Variants in ARHGAP10 observed in about 807,000 individuals in gnomAD.
ARHGAP10 encodes Rho GTPase activating protein 10.
ARHGAP10 carries 87 observed loss-of-function variants against 108.6 expected under a neutral mutation model. The observed-to-expected ratio is 0.80, with a 90% CI of 0.67 to 0.96. ARHGAP10 has a LOEUF of 0.96. Ranked by LOEUF, ARHGAP10 falls within the 40% of genes least tolerant of loss-of-function variation. The pLI, the probability that ARHGAP10 is intolerant of heterozygous loss-of-function variation, is 0.00. For missense variants in ARHGAP10, 939 were observed against 954.5 expected (o/e 0.98, Z 0.21); for synonymous variants, 347 against 341.1 (o/e 1.02, Z -0.19).
chr4:147,737,066 G>T (rs1728446242), intron 1 of ARHGAP10, among the ~76,000 whole-genome samples: 2 of 152,180 alleles, frequency 1.3e-5, no homozygotes, highest in Admixed American at 6.6e-5. Context: ...TGCTTTGAAT[G>T]TCTTGTTAAA....
At chr4:147,986,174 T>G (rs1740039256) in intron 18 of ARHGAP10, among the ~76,000 whole-genome samples, 1 of 152,178 alleles carries the variant, frequency 6.6e-6, no homozygotes, top group Non-Finnish European at 1.5e-5. Context: ...ATTATCAGTT[T>G]CCTCATCTAT....
chr4:147,769,121 A>T (rs1307364657), intron 1 of ARHGAP10, among the ~76,000 whole-genome samples: 2 of 152,180 alleles, frequency 1.3e-5, no homozygotes, highest in African/African-American at 2.4e-5. Context: ...GCTCTCAGGA[A>T]CTGGATAATG....
At chr4:148,069,827 T>G (rs1001486245) in intron 22 of ARHGAP10, among the ~76,000 whole-genome samples, 2 of 152,126 alleles carry the variant, frequency 1.3e-5, no homozygotes, top group Non-Finnish European at 2.9e-5. Context: ...GGCCCCCACA[T>G]TGTTACAACC....
At chr4:147,949,529 A>G (rs942084860) in intron 15 of ARHGAP10, among the ~76,000 whole-genome samples, 152 of 152,316 alleles carry the variant, frequency 1.0e-3, no homozygotes, top group African/African-American at 3.5e-3. Context: ...GGCATCTGAC[A>G]TCCTGCAGTA....
intron 13 of ARHGAP10, among the ~76,000 whole-genome samples, chr4:147,918,373 G>A (rs1737081148): frequency 6.6e-6 from 1 of 152,084 alleles, no homozygotes; most frequent in Non-Finnish European, 1.5e-5. Flanking sequence ...CTGACCTCGT[G>A]ATCCACCTGC....
chr4:147,780,984 C>T (rs893661584), intron 1 of ARHGAP10, among the ~76,000 whole-genome samples: 6 of 152,114 alleles, frequency 3.9e-5, no homozygotes, highest in Admixed American at 1.3e-4. Context: ...TGAGAGAAGA[C>T]GCAAGGGCTC....
intron 1 of ARHGAP10, among the ~76,000 whole-genome samples, chr4:147,748,902 T>C (rs1729037647): frequency 6.6e-6 from 1 of 151,886 alleles, no homozygotes; most frequent in Non-Finnish European, 1.5e-5. Flanking sequence ...GATGCTGCAG[T>C]GAGCTGTGAT....
intron 20 of ARHGAP10, among the ~76,000 whole-genome samples, chr4:148,048,926 G>A (rs868189596): frequency 6.6e-6 from 1 of 151,772 alleles, no homozygotes; most frequent in African/African-American, 2.4e-5. Context: ...AAGGGGGTTG[G>A]GGGGAGTAGT....
intron 18 of ARHGAP10, among the ~76,000 whole-genome samples, chr4:148,006,343 G>A (rs1367954277): frequency 6.6e-6 from 1 of 152,222 alleles, no homozygotes; most frequent in Non-Finnish European, 1.5e-5. Context: ...ATGACGTGGG[G>A]AAAACGGAGG....
At chr4:147,847,717 G>A (rs1280072844) in intron 4 of ARHGAP10, among the ~76,000 whole-genome samples, 1 of 152,154 alleles carries the variant, frequency 6.6e-6, no homozygotes, top group Non-Finnish European at 1.5e-5. Flanking sequence ...TTATGGTATT[G>A]TGCATTATAT....
At position 147,867,567 on chromosome 4, in the gene ARHGAP10, A is replaced by G. The variant is rs144720198; in HGVS notation, c.702+751A>G. Among the ~76,000 whole-genome samples, 19 of 152,216 alleles carry G rather than the reference A, an allele frequency of 1.2e-4. No homozygotes were observed. In the East Asian group the frequency reaches 3.7e-3, roughly 29 times the overall value. On this transcript the variant is annotated intron_variant, in intron 7 of 22. Transcript: ENST00000336498. ...TTGCCTGCTCTTCATTTCTTTCACA[A>G]TTAGAAGTTGAGAGTGGGCCGGGCA...
chr4:148,066,717 T>C (rs1280260248), intron 22 of ARHGAP10, among the ~76,000 whole-genome samples: 3 of 152,222 alleles, frequency 2.0e-5, no homozygotes, highest in African/African-American at 4.8e-5. Flanking sequence ...GGCTTTCTTA[T>C]CTTCTGTGTG....
intron 19 of ARHGAP10, among the ~76,000 whole-genome samples, chr4:148,042,225 C>G (rs1317330366): frequency 1.3e-5 from 2 of 152,178 alleles, no homozygotes; most frequent in Non-Finnish European, 2.9e-5. Context: ...TCTTAAGTTT[C>G]TCTCTCACCC....
chr4:147,745,393 T>C (rs1171240528), intron 1 of ARHGAP10: 2 of 152,328 alleles, frequency 1.3e-5, no homozygotes, highest in Non-Finnish European at 2.9e-5. Context: ...GGGTTGAATG[T>C]GTTCAGGGTG....
chr4:148,007,513 G>T (rs1024360651), intron 18 of ARHGAP10, among the ~76,000 whole-genome samples: 1 of 152,124 alleles, frequency 6.6e-6, no homozygotes, highest in Non-Finnish European at 1.5e-5. Context: ...TCTGGGGATG[G>T]GTATGTATTT....
At chr4:147,921,384 G>A (rs1028758188) in intron 13 of ARHGAP10, among the ~76,000 whole-genome samples, 4 of 152,192 alleles carry the variant, frequency 2.6e-5, no homozygotes, top group East Asian at 3.9e-4. Context: ...AATTGTTGAC[G>A]ATTGGGTCTC....
chr4:147,786,677 C>A (rs1224845418), intron 1 of ARHGAP10, among the ~76,000 whole-genome samples: 1 of 152,142 alleles, frequency 6.6e-6, no homozygotes, highest in Non-Finnish European at 1.5e-5. Context: ...TATGGGATGG[C>A]ATACATATGG....
intron 1 of ARHGAP10, among the ~76,000 whole-genome samples, chr4:147,795,689 A>AAT (rs1731290681): frequency 6.7e-6 from 1 of 150,250 alleles, no homozygotes; most frequent in South Asian, 2.1e-4. Flanking sequence ...TTATTTTTTT[A>AAT]ATTTAATTTA....
chr4:147,783,778 T>A (rs188583678), intron 1 of ARHGAP10, among the ~76,000 whole-genome samples: 155 of 140,518 alleles, frequency 1.1e-3, no homozygotes, highest in Non-Finnish European at 1.5e-3. Flanking sequence ...TATATTTATA[T>A]AACACACATT....
Sources: allele counts gnomAD v4.1 joint callset (sites outside exome capture counted in the v4.1 genomes callset), GRCh38; gene constraint gnomAD v4.1.1; transcripts MANE v1.5; gene names NCBI Gene and HGNC (gene_info 2026-07-23, HGNC 2026-07-21).